P2RY12: variants seen among roughly 807,000 people sequenced by gnomAD.
The protein encoded by P2RY12 is purinergic receptor P2Y12, also known as P2Y purinoceptor 12.
A neutral mutation model predicts 4.5 loss-of-function variants in P2RY12; 3 were observed. That is an observed-to-expected ratio of 0.67 (90% CI 0.31 to 1.74). The LOEUF is 1.74. Among genes scored for constraint, P2RY12 ranks in the 40% most tolerant of loss-of-function variants. P2RY12 has a pLI of 0.09. For missense variants in P2RY12, 356 were observed against 407.8 expected, an observed-to-expected ratio of 0.87 and a Z score of 1.09; for synonymous variants, 148 against 154.1, an observed-to-expected ratio of 0.96 and a Z score of 0.29.
chr3:151,355,622 T>C (rs74431115), intron 1 of P2RY12, among the ~76,000 whole-genome samples: 7,481 of 152,184 alleles, frequency 0.049, 216 homozygotes, highest in East Asian at 0.13. Context: ...ATTCAAATGG[T>C]TGTGTCTAAA....
At chr3:151,372,490 C>G in intron 1 of P2RY12, 2 of 1,027,396 alleles carry the variant, frequency 1.9e-6, no homozygotes, top group East Asian at 2.4e-5. Flanking sequence ...TCCCTGAATG[C>G]TATCCTCATT....
rs560619021 is a variant in P2RY12, at chr3:151,341,397, A to G, written c.-179-637T>C. On this transcript the variant is annotated intron_variant, in intron 1 of 2. Transcript: ENST00000302632. ...CTTTTCTTGAATAGAATTTAAATAT[A>G]AACAATTTTTTTTTGTTTCTTTACC... is the stretch of plus-strand genomic sequence containing the variant. Among the ~76,000 whole-genome samples the G allele has an allele frequency of 2.6e-5, 4 of 152,140 alleles. No individual in the cohort carries two copies. In the East Asian group the frequency reaches 7.7e-4, roughly 29 times the overall value.
chr3:151,374,805 A>C (rs1310020064), intron 1 of P2RY12, among the ~76,000 whole-genome samples: 3 of 152,164 alleles, frequency 2.0e-5, no homozygotes, highest in Non-Finnish European at 4.4e-5. Flanking sequence ...TTACTTTCAA[A>C]AGTGAAACTA....
intron 1 of P2RY12, among the ~76,000 whole-genome samples, chr3:151,350,774 T>C (rs964842227): frequency 5.9e-5 from 9 of 152,240 alleles, no homozygotes; most frequent in African/African-American, 2.2e-4. Context: ...TGCTCTATAA[T>C]GTCTTCTTTA....
chr3:151,360,468 C>T (rs758250840), intron 1 of P2RY12: 29 of 1,610,210 alleles, frequency 1.8e-5, no homozygotes, highest in South Asian at 6.6e-5. Flanking sequence ...ATATTTTTCT[C>T]CTCAGGTTGT....
chr3:151,368,221 C>T lies in P2RY12; in HGVS notation c.-180+16471G>A. ...ACTCTTGCTTCATCTCTTCCGAGCT[C>T]CCCAGGCCTGCTTCTTACCTCAAGC... On this transcript the variant is annotated intron_variant, in intron 1 of 2. Transcript: ENST00000302632. 6.2e-7 allele frequency: 1 copy of T among 1,614,052 alleles called. No homozygotes were observed. The highest frequency in any genetic ancestry group is 2.2e-5 in the East Asian group (1 of 44,886).
chr3:151,362,563 C>G (rs947739281), intron 1 of P2RY12, among the ~76,000 whole-genome samples: 1 of 152,106 alleles, frequency 6.6e-6, no homozygotes, highest in Non-Finnish European at 1.5e-5. Flanking sequence ...CATTCTGAGC[C>G]TCAGCACTTG....
intron 1 of P2RY12, among the ~76,000 whole-genome samples, chr3:151,375,683 TGATA>T (rs1163060316): frequency 6.6e-6 from 1 of 152,172 alleles, no homozygotes; most frequent in Non-Finnish European, 1.5e-5. Context: ...AACGTATATC[TGATA>T]GAATCATTAT....
At chr3:151,346,496 T>TA (rs371118551) in intron 1 of P2RY12, among the ~76,000 whole-genome samples, 20 of 152,282 alleles carry the variant, frequency 1.3e-4, no homozygotes, top group African/African-American at 4.8e-4. Flanking sequence ...CCCTGCCACT[T>TA]AGAGAAACTT....
At chr3:151,339,396 T>A (rs1237477190) in intron 2 of P2RY12, among the ~76,000 whole-genome samples, 1 of 150,722 alleles carries the variant, frequency 6.6e-6, no homozygotes. Flanking sequence ...GGAAAATTAC[T>A]CTTGGGAAAC....
At chr3:151,372,534 CTGTGATTTTGCTTT>C (rs1560092610) in intron 1 of P2RY12, 1 of 1,548,682 alleles carries the variant, frequency 6.5e-7, no homozygotes, top group South Asian at 1.1e-5. Flanking sequence ...TTTTGAACTT[CTGTGATTTTGCTTT>C]TGTGATTCTA....
intron 1 of P2RY12, chr3:151,383,956 G>T: frequency 6.7e-7 from 1 of 1,498,346 alleles, no homozygotes; most frequent in East Asian, 2.3e-5. Flanking sequence ...ATATACTGAT[G>T]GCGATTTCTG....
intron 1 of P2RY12, chr3:151,380,049 G>T: frequency 9.9e-7 from 1 of 1,008,988 alleles, no homozygotes; most frequent in East Asian, 2.7e-5. Flanking sequence ...AGAAATGAAT[G>T]TTGCCAGAGG....
At chr3:151,376,789 A>G (rs1407054153) in intron 1 of P2RY12, 1 of 1,611,452 alleles carries the variant, frequency 6.2e-7, no homozygotes, top group Non-Finnish European at 8.5e-7. Flanking sequence ...AATTCTTTCC[A>G]TTTTTCCCAG....
intron 2 of P2RY12, among the ~76,000 whole-genome samples, chr3:151,339,519 G>A (rs1040130863): frequency 2.0e-5 from 3 of 151,480 alleles, no homozygotes; most frequent in Admixed American, 6.6e-5. Flanking sequence ...TTGGCCTCAC[G>A]GAGATTCATT....
intron 1 of P2RY12, chr3:151,377,165 A>G: frequency 6.2e-7 from 1 of 1,609,214 alleles, no homozygotes; most frequent in Non-Finnish European, 8.5e-7. Context: ...GAATGGAATA[A>G]AGACATTCCT....
At position 151,368,692 on chromosome 3, in the gene P2RY12, T is replaced by G. The variant is rs867116740; in HGVS notation, c.-180+16000A>C. Among the ~76,000 whole-genome samples, 164 of 36,408 alleles carry G rather than the reference T, an allele frequency of 4.5e-3. 4 individuals carry two copies. Among genetic ancestry groups the G allele is most frequent in the East Asian group, 9.8e-3 (10 of 1,022 alleles). The allele number at this position is 36,408 out of a possible 152,430, so 23.9% of individuals were successfully genotyped here. ...TTCATTTCATGTCATTTCATTTTAT[T>G]TCATTTCATTTCATTTCATTTCATT... On this transcript the variant is annotated intron_variant, in intron 1 of 2. Coordinates refer to ENST00000302632, the MANE Select transcript of P2RY12 (RefSeq NM_022788.5).
chr3:151,376,896 A>G (rs200367171), intron 1 of P2RY12: 48 of 1,612,932 alleles, frequency 3.0e-5, no homozygotes, highest in Non-Finnish European at 4.1e-5. Context: ...TTGAAAGCTT[A>G]TCTCTGTATG....
intron 1 of P2RY12, among the ~76,000 whole-genome samples, chr3:151,352,418 G>C (rs1016050066): frequency 3.3e-5 from 5 of 152,168 alleles, no homozygotes; most frequent in Admixed American, 2.0e-4. Context: ...TAACCAGAAA[G>C]CTGTTAATTT....
Sources: gnomAD v4.1 joint callset for allele counts (sites outside exome capture counted in the v4.1 genomes callset) on GRCh38, gnomAD v4.1.1 for gene constraint, MANE v1.5 for transcripts, NCBI Gene and HGNC (gene_info 2026-07-23, HGNC 2026-07-21) for gene names.